The following SCUBE1 variants were observed in gnomAD, a reference collection of about 807,000 sequenced individuals.
SCUBE1 encodes signal peptide, CUB and EGF-like domain-containing protein 1.
A neutral mutation model predicts 124.4 loss-of-function variants in SCUBE1; 59 were observed. The ratio of observed to expected loss-of-function variants is 0.47; its 90% confidence interval spans 0.38 to 0.59. The LOEUF (loss-of-function observed/expected upper bound fraction) is 0.59, where lower values mean the gene tolerates loss of function less well. SCUBE1 is among the 20% of genes least tolerant of loss of function. The pLI, the probability that SCUBE1 is intolerant of heterozygous loss-of-function variation, is 0.00. For synonymous variants in SCUBE1, 545 were observed against 550.9 expected (o/e 0.99, Z 0.15); for missense variants, 1,150 against 1,371.2 (o/e 0.84, Z 2.55).
intron 2 of SCUBE1, among the ~76,000 whole-genome samples, chr22:43,325,551 G>GTAC (rs1221162844): frequency 6.6e-6 from 1 of 151,232 alleles, no homozygotes; most frequent in African/African-American, 2.4e-5. Flanking sequence ...TCCAAGATCT[G>GTAC]TACCTACCCT....
chr22:43,334,103 C>T (rs963251138), intron 2 of SCUBE1, among the ~76,000 whole-genome samples: 2 of 152,200 alleles, frequency 1.3e-5, no homozygotes, highest in African/African-American at 4.8e-5. Flanking sequence ...GAACCCTACT[C>T]CAGCTCAGGA....
intron 10 of SCUBE1, among the ~76,000 whole-genome samples, chr22:43,225,643 C>T (rs779252322): frequency 6.6e-6 from 1 of 151,634 alleles, no homozygotes; most frequent in African/African-American, 2.4e-5. Flanking sequence ...ATCTGGTGAT[C>T]TGCCCACCTC....
intron 1 of SCUBE1, among the ~76,000 whole-genome samples, chr22:43,342,190 G>A (rs931203674): frequency 2.0e-5 from 3 of 149,776 alleles, no homozygotes; most frequent in Non-Finnish European, 4.5e-5. Context: ...CTGATGACGA[G>A]GAGGGGAGAA....
chr22:43,257,406 T>C (rs1923701469), intron 6 of SCUBE1, among the ~76,000 whole-genome samples: 1 of 152,232 alleles, frequency 6.6e-6, no homozygotes, highest in African/African-American at 2.4e-5. Context: ...CCACCCTTTC[T>C]CAGTTAAAAA....
In SCUBE1 at chr22:43,302,103, AG is replaced by A. The variant is rs1238781810; in HGVS notation, c.350-10924del. Among the ~76,000 whole-genome samples, 6 of 152,244 alleles carry A rather than the reference AG, an allele frequency of 3.9e-5. No individual in the cohort carries two copies. The South Asian group carries it at 8.3e-4, about 21-fold the overall frequency. ...TCAGGAGATGCCAGAGAAGGCTCTC[AG>A]AGAAGAGCTGTGCTCATCTGCCGCC... is the stretch of plus-strand genomic sequence containing the variant. On this transcript the variant is annotated intron_variant, in intron 3 of 21. Transcript: ENST00000360835.
At chr22:43,275,196 C>T (rs776234653) in intron 4 of SCUBE1, among the ~76,000 whole-genome samples, 14 of 152,318 alleles carry the variant, frequency 9.2e-5, no homozygotes, top group Middle Eastern at 3.4e-3. Flanking sequence ...GACAGACAAA[C>T]TGGGGCTGGA....
intron 1 of SCUBE1, among the ~76,000 whole-genome samples, chr22:43,342,851 G>A (rs1215011962): frequency 6.7e-6 from 1 of 149,700 alleles, no homozygotes; most frequent in Non-Finnish European, 1.5e-5. Flanking sequence ...CTCTGCGCTC[G>A]GGGTCCCGCC....
chr22:43,221,398 T>C (rs899262407), intron 12 of SCUBE1, 109 bp from the exon 13 acceptor site: 2 of 685,880 alleles, frequency 2.9e-6, no homozygotes, highest in Non-Finnish European at 5.2e-6. Context: ...GGGGTGGGGC[T>C]TGATCTGAGT....
At chr22:43,222,495 C>A in intron 12 of SCUBE1, 143 bp downstream of exon 12, 1 of 644,530 alleles carries the variant, frequency 1.6e-6, no homozygotes, top group Non-Finnish European at 2.6e-6. Flanking sequence ...CCTGGCTCAT[C>A]GCCAGCACCC....
chr22:43,332,082 T>A (rs989538054), intron 2 of SCUBE1, among the ~76,000 whole-genome samples: 6 of 151,770 alleles, frequency 4.0e-5, no homozygotes, highest in African/African-American at 1.2e-4. Context: ...AGGTCAGGAG[T>A]TCGAGACCAA....
chr22:43,227,867 A>G (rs1362912707), intron 9 of SCUBE1, among the ~76,000 whole-genome samples: 1 of 152,182 alleles, frequency 6.6e-6, no homozygotes, highest in Non-Finnish European at 1.5e-5. Flanking sequence ...ACTCTGGACA[A>G]GCCCTTTTCT....
At chr22:43,251,934 G>A (rs1923466203) in intron 6 of SCUBE1, among the ~76,000 whole-genome samples, 1 of 152,162 alleles carries the variant, frequency 6.6e-6, no homozygotes, top group African/African-American at 2.4e-5. Context: ...CCACAAGCAG[G>A]GTCCCGGGGC....
At chr22:43,223,543 G>A (rs974495172) in intron 10 of SCUBE1, among the ~76,000 whole-genome samples, 3 of 152,208 alleles carry the variant, frequency 2.0e-5, no homozygotes, top group Non-Finnish European at 4.4e-5. Flanking sequence ...GGAAAGGAAC[G>A]GCGCTAAATG....
chr22:43,295,191 C>A (rs994845738), intron 3 of SCUBE1, among the ~76,000 whole-genome samples: 1 of 152,198 alleles, frequency 6.6e-6, no homozygotes, highest in Non-Finnish European at 1.5e-5. Flanking sequence ...CTCCCTGGCC[C>A]CTCCATGCCC....
intron 4 of SCUBE1, among the ~76,000 whole-genome samples, chr22:43,286,981 G>C (rs985502258): frequency 1.3e-5 from 2 of 152,230 alleles, no homozygotes; most frequent in East Asian, 3.8e-4. Flanking sequence ...GAAGAGCAGT[G>C]TGGGAGAGGG....
Position 43,197,433 on chromosome 22 carries a change from C to T in SCUBE1, c.*6564G>A, listed in dbSNP as rs1418740041. On this transcript the variant is annotated 3_prime_UTR_variant, in exon 22 of 22. Transcript: ENST00000360835. ...GGTATTTGCCACTTGCAGGCAGAGT[C>T]GTTGCCAAGCGTCTGGACAATACAG... 6.6e-6 allele frequency: 1 copy of T among 152,252 alleles called. No individual in the cohort carries two copies. The highest frequency in any genetic ancestry group is 1.5e-5 in the Non-Finnish European group (1 of 68,054). The allele number at this position is 152,252 out of a possible 1,614,324, so 9.4% of individuals were successfully genotyped here.
chr22:43,259,160 T>C (rs553843586), intron 5 of SCUBE1, among the ~76,000 whole-genome samples: 1 of 152,252 alleles, frequency 6.6e-6, no homozygotes, highest in African/African-American at 2.4e-5. Flanking sequence ...ACATGGTCCA[T>C]TTCCAGGGTG....
At chr22:43,317,149 T>G (rs1257948966) in intron 3 of SCUBE1, 2 of 152,210 alleles carry the variant, frequency 1.3e-5, no homozygotes. Flanking sequence ...AAAAAATGTT[T>G]TATGCCCAGA....
chr22:43,289,853 C>A (rs1044740600), intron 4 of SCUBE1, among the ~76,000 whole-genome samples: 1 of 152,110 alleles, frequency 6.6e-6, no homozygotes, highest in South Asian at 2.1e-4. Context: ...GAGCCCAGTG[C>A]GTGCCCTTTG....
Sources: allele counts gnomAD v4.1 joint callset (sites outside exome capture counted in the v4.1 genomes callset), GRCh38; gene constraint gnomAD v4.1.1; transcripts MANE v1.5; gene names NCBI Gene and HGNC (gene_info 2026-07-23, HGNC 2026-07-21).